Variants in CDKAL1 observed in about 807,000 individuals in gnomAD.
CDKAL1 encodes threonylcarbamoyladenosine tRNA methylthiotransferase.
In CDKAL1, 32 loss-of-function variants were observed where a neutral mutation model predicts 68.2. The observed-to-expected ratio is 0.47, with a 90% CI of 0.35 to 0.63. CDKAL1 has a LOEUF of 0.63. CDKAL1 is among the 30% of genes least tolerant of loss of function. The probability of loss-of-function intolerance (pLI) is 0.00; values close to 1 mark genes in which losing one functional copy is unlikely to be tolerated. For missense variants in CDKAL1, 606 were observed against 696.7 expected, an observed-to-expected ratio of 0.87 and a Z score of 1.47; for synonymous variants, 234 against 244.3, an observed-to-expected ratio of 0.96 and a Z score of 0.39.
At chr6:20,607,564 A>AT (rs1766386685) in intron 4 of CDKAL1, among the ~76,000 whole-genome samples, 1 of 150,702 alleles carries the variant, frequency 6.6e-6, no homozygotes, top group African/African-American at 2.4e-5. Context: ...GATATTTACC[A>AT]TTTTTTCTTG....
chr6:20,955,644 G>A, intron 10 of CDKAL1, 59 bp downstream of exon 10: 6 of 1,466,358 alleles, frequency 4.1e-6, no homozygotes, highest in Non-Finnish European at 5.6e-6. Flanking sequence ...CAGACAGTGT[G>A]GCAGCCTCAG....
At chr6:21,079,976 CTGTGTGTGTGTGTG>C (rs764266426) in intron 12 of CDKAL1, among the ~76,000 whole-genome samples, 1 of 135,748 alleles carries the variant, frequency 7.4e-6, no homozygotes, top group East Asian at 2.3e-4. Context: ...AACTTTGTCT[CTGTGTGTGTGTGTG>C]TGTGTGTGTG....
At chr6:20,617,146 A>G (rs1235435486) in intron 4 of CDKAL1, among the ~76,000 whole-genome samples, 2 of 152,018 alleles carry the variant, frequency 1.3e-5, no homozygotes, top group African/African-American at 2.4e-5. Context: ...TGAAGGTGGT[A>G]TCATATTAGT....
intron 13 of CDKAL1, among the ~76,000 whole-genome samples, chr6:21,160,876 C>T (rs1473347330): frequency 1.3e-5 from 2 of 151,596 alleles, no homozygotes; most frequent in Non-Finnish European, 2.9e-5. Flanking sequence ...GCCCCCCACT[C>T]TCCGATGGGC....
intron 5 of CDKAL1, among the ~76,000 whole-genome samples, chr6:20,714,242 CTAT>C (rs1441335979): frequency 1.3e-5 from 2 of 151,470 alleles, no homozygotes; most frequent in Admixed American, 1.3e-4. Context: ...TAGTCTAAGG[CTAT>C]TAGCTATGCT....
At chr6:20,976,161 A>G (rs1765836860) in intron 10 of CDKAL1, among the ~76,000 whole-genome samples, 1 of 152,126 alleles carries the variant, frequency 6.6e-6, no homozygotes, top group Non-Finnish European at 1.5e-5. Flanking sequence ...TAGTAATATC[A>G]TTTAAGGCTT....
chr6:21,140,686 T>A (rs900463712), intron 13 of CDKAL1, among the ~76,000 whole-genome samples: 1 of 152,148 alleles, frequency 6.6e-6, no homozygotes, highest in Non-Finnish European at 1.5e-5. Flanking sequence ...GCACAGTCTG[T>A]CACAGCAAAG....
At chr6:20,900,934 T>C (rs1041049903) in intron 9 of CDKAL1, among the ~76,000 whole-genome samples, 1 of 152,224 alleles carries the variant, frequency 6.6e-6, no homozygotes, top group Admixed American at 6.5e-5. Flanking sequence ...TATTGCATAA[T>C]TTGTAATAGT....
intron 4 of CDKAL1, among the ~76,000 whole-genome samples, chr6:20,584,970 T>C (rs984477835): frequency 6.6e-6 from 1 of 152,042 alleles, no homozygotes; most frequent in Non-Finnish European, 1.5e-5. Context: ...TTTTCTGCTT[T>C]CTCTGTTGGA....
rs548885992 is a variant in CDKAL1 at position 20,824,505 on chromosome 6, G to A, written c.639-21570G>A. 4.6e-5 allele frequency among the ~76,000 whole-genome samples: 7 copies of A among 152,234 alleles called. No homozygotes were observed. In the South Asian group the frequency reaches 1.5e-3, roughly 32 times the overall value. On this transcript the variant is annotated intron_variant, in intron 8 of 15. Coordinates refer to ENST00000274695, the MANE Select transcript of CDKAL1 (RefSeq NM_017774.3). Reference sequence around the variant, plus strand: ...TGTTGGGAGCATTTAGTTCTTTACAGGCTATTGGATTATGGGCCTCAGTCT... The same window carrying A: ...TGTTGGGAGCATTTAGTTCTTTACAAGCTATTGGATTATGGGCCTCAGTCT...
intron 5 of CDKAL1, among the ~76,000 whole-genome samples, chr6:20,737,794 G>A (rs750779798): frequency 1.3e-5 from 2 of 152,160 alleles, no homozygotes; most frequent in Non-Finnish European, 2.9e-5. Flanking sequence ...AAGATTCCAA[G>A]AAGAAAAATT....
intron 11 of CDKAL1, among the ~76,000 whole-genome samples, chr6:21,025,297 C>T (rs887895704): frequency 9.2e-5 from 14 of 152,138 alleles, no homozygotes; most frequent in African/African-American, 3.4e-4. Flanking sequence ...TAGTCAAACA[C>T]ACTGTTTTTC....
intron 9 of CDKAL1, among the ~76,000 whole-genome samples, chr6:20,953,036 G>C (rs538152441): frequency 4.3e-4 from 65 of 152,350 alleles, no homozygotes; most frequent in African/African-American, 1.5e-3. Context: ...TTCTCCTCAA[G>C]TCCAAGGGTT....
chr6:20,650,668 TG>T (rs1321532560), intron 5 of CDKAL1, among the ~76,000 whole-genome samples: 1 of 152,142 alleles, frequency 6.6e-6, no homozygotes, highest in Non-Finnish European at 1.5e-5. Context: ...GTTTTCTTCT[TG>T]GGTTTTTGAA....
At chr6:20,806,683 T>A (rs1015196591) in intron 8 of CDKAL1, among the ~76,000 whole-genome samples, 8 of 152,162 alleles carry the variant, frequency 5.3e-5, no homozygotes, top group Non-Finnish European at 1.0e-4. Flanking sequence ...TCTGAGATGG[T>A]ATCTCAGACC....
rs945464772 is a variant in CDKAL1, at chr6:20,541,138, A to AT, written c.-5-5199dup. Among the ~76,000 whole-genome samples the AT allele has an allele frequency of 1.3e-3, 196 of 151,450 alleles. 1 individual carries two copies. The highest frequency in any genetic ancestry group is 4.5e-3 in the African/African-American group (184 of 41,294). ...TCTAAATTTATTTGACCACAGAACC[A>AT]TTTTTTTTTCCAGATAGGTAGTAAA... On this transcript the variant is annotated intron_variant, in intron 2 of 15. Transcript: ENST00000274695.
At chr6:20,572,336 T>C (rs560722101) in intron 4 of CDKAL1, among the ~76,000 whole-genome samples, 1 of 152,178 alleles carries the variant, frequency 6.6e-6, no homozygotes, top group Admixed American at 6.5e-5. Context: ...TTGTAACACA[T>C]ACATTTTAAT....
intron 5 of CDKAL1, among the ~76,000 whole-genome samples, chr6:20,692,922 C>T (rs184531390): frequency 2.0e-5 from 3 of 151,548 alleles, no homozygotes; most frequent in South Asian, 2.1e-4. Flanking sequence ...GTGAGGAGAT[C>T]GAGACCATCC....
At chr6:21,143,782 G>T (rs994109246) in intron 13 of CDKAL1, among the ~76,000 whole-genome samples, 1 of 152,150 alleles carries the variant, frequency 6.6e-6, no homozygotes, top group Non-Finnish European at 1.5e-5. Flanking sequence ...CACAAACTCT[G>T]TTTCTTCATG....
Sources: allele counts gnomAD v4.1 joint callset (sites outside exome capture counted in the v4.1 genomes callset), GRCh38; gene constraint gnomAD v4.1.1; transcripts MANE v1.5; gene names NCBI Gene and HGNC (gene_info 2026-07-23, HGNC 2026-07-21).